Variants in CFAP69 observed in about 807,000 individuals in gnomAD.
The protein encoded by CFAP69 is cilia and flagella associated protein 69.
CFAP69 carries 92 observed loss-of-function variants against 123.0 expected under a neutral mutation model. That is an observed-to-expected ratio of 0.75 (90% CI 0.63 to 0.89). The LOEUF (loss-of-function observed/expected upper bound fraction) is 0.89, where lower values mean the gene tolerates loss of function less well. CFAP69 is among the 40% of genes least tolerant of loss of function. CFAP69 has a pLI of 0.00. For synonymous variants in CFAP69, 380 were observed against 364.3 expected, an observed-to-expected ratio of 1.04 and a Z score of -0.49; for missense variants, 1,067 against 1,096.9, an observed-to-expected ratio of 0.97 and a Z score of 0.39.
chr7:90,287,126 T>C (rs1790416788), intron 14 of CFAP69, among the ~76,000 whole-genome samples: 1 of 151,918 alleles, frequency 6.6e-6, no homozygotes, highest in Non-Finnish European at 1.5e-5. Context: ...ATCCATGTCA[T>C]TGCATGTATC....
At chr7:90,287,326 T>C (rs1790451869) in intron 14 of CFAP69, among the ~76,000 whole-genome samples, 1 of 152,094 alleles carries the variant, frequency 6.6e-6, no homozygotes, top group African/African-American at 2.4e-5. Context: ...TTCTCTCGGG[T>C]AAGTATCTAC....
chr7:90,306,060 A>G (rs2117426311), intron 19 of CFAP69, among the ~76,000 whole-genome samples: 1 of 128,646 alleles, frequency 7.8e-6, no homozygotes, highest in South Asian at 2.6e-4. Context: ...CTCCAGCCTC[A>G]TCTTCCCAAG....
chr7:90,317,806 C>T, the CFAP69 span: 4 of 151,974 alleles, frequency 2.6e-5, no homozygotes, highest in East Asian at 3.8e-4. Flanking sequence ...TTATTTTAGC[C>T]GATTTTAAAA....
Position 90,283,068 on chromosome 7 carries a change from C to T in CFAP69, c.1537+12C>T. 2.7e-6 allele frequency: 4 copies of T among 1,491,782 alleles called. No individual in the cohort carries two copies. Among genetic ancestry groups the T allele is most frequent in the Non-Finnish European group, 3.6e-6 (4 of 1,118,602 alleles). 92.4% of individuals were successfully genotyped at this position (1,491,782 alleles called of 1,614,324 possible). On this transcript the variant is annotated intron_variant, in intron 13 of 22. Transcript: ENST00000389297. ...TCAGCAAATGATAGGTAAAATATAACATGGTGGTTTACTGATGAAAGAGGA... is the reference window on the plus strand; with the variant it reads ...TCAGCAAATGATAGGTAAAATATAATATGGTGGTTTACTGATGAAAGAGGA...
At chr7:90,262,674 G>A (rs1798494218) in intron 4 of CFAP69, among the ~76,000 whole-genome samples, 1 of 152,004 alleles carries the variant, frequency 6.6e-6, no homozygotes, top group Admixed American at 6.6e-5. Flanking sequence ...TCCATTTTTA[G>A]TTGCTAAATG....
intron 1 of CFAP69, among the ~76,000 whole-genome samples, chr7:90,252,808 A>G (rs769139776): frequency 6.6e-6 from 1 of 152,202 alleles, no homozygotes; most frequent in African/African-American, 2.4e-5. Context: ...ATTTCTAAAA[A>G]TTGTTTTTGA....
chr7:90,277,251 T>C lies in CFAP69; in HGVS notation c.1072T>C (p.Ser358Pro), dbSNP rs780327430. The change falls in exon 11 of 23, where the codon TCT (serine) becomes CCT (proline). Residue 358 changes from serine to proline, a missense_variant. Coordinates refer to ENST00000389297, the MANE Select transcript of CFAP69 (RefSeq NM_001039706.3). ...QNLLVKGLKLSNSYEDFELKK... is the reference protein window; with the variant it reads ...QNLLVKGLKLPNSYEDFELKK... ...TCTTTTGGTAAAAGGACTTAAGCTT[T>C]CTAATTCCTATGAAGATTTTGAGTT... 24 of 1,590,252 alleles carry C rather than the reference T, an allele frequency of 1.5e-5. No individual in the cohort carries two copies. The highest frequency in any genetic ancestry group is 2.0e-5 in the Non-Finnish European group (23 of 1,171,690).
chr7:90,299,833 G>A (rs1407955456), intron 16 of CFAP69, 34 bp from the exon 17 acceptor site: 2 of 1,474,566 alleles, frequency 1.4e-6, no homozygotes, highest in Non-Finnish European at 1.8e-6. Flanking sequence ...AATATTTATT[G>A]CAACTTTTTT....
chr7:90,246,114 AAT>A (rs1213089931), intron 1 of CFAP69, among the ~76,000 whole-genome samples: 4 of 152,168 alleles, frequency 2.6e-5, no homozygotes, highest in African/African-American at 7.2e-5. Flanking sequence ...ACCGGGAGAG[AAT>A]AGAGTTGATT....
chr7:90,249,598 C>T (rs899817004), intron 1 of CFAP69, among the ~76,000 whole-genome samples: 2 of 152,128 alleles, frequency 1.3e-5, no homozygotes, highest in African/African-American at 4.8e-5. Context: ...TGAAATTCAC[C>T]TTAATCATAT....
chr7:90,290,187 G>A (rs1790922087), intron 15 of CFAP69, among the ~76,000 whole-genome samples: 1 of 152,112 alleles, frequency 6.6e-6, no homozygotes, highest in African/African-American at 2.4e-5. Flanking sequence ...TTATCATAAG[G>A]AATTGGCTCA....
intron 1 of CFAP69, among the ~76,000 whole-genome samples, chr7:90,251,084 T>C (rs1796953553): frequency 6.6e-6 from 1 of 152,166 alleles, no homozygotes. Context: ...TCACACAGCA[T>C]ACAAGATGAT....
At chr7:90,289,977 T>C (rs907150899) in intron 15 of CFAP69, among the ~76,000 whole-genome samples, 1 of 152,212 alleles carries the variant, frequency 6.6e-6, no homozygotes, top group Non-Finnish European at 1.5e-5. Context: ...CTTTTGTCTA[T>C]CCTTCTGTAA....
chr7:90,307,725 A>AG (rs1793810861), intron 20 of CFAP69, 43 bp from the exon 21 acceptor site: 1 of 1,306,534 alleles, frequency 7.7e-7, no homozygotes, highest in East Asian at 2.4e-5. Context: ...AAAAAAAAAA[A>AG]GAAAAAAAAG....
intron 15 of CFAP69, among the ~76,000 whole-genome samples, chr7:90,292,003 A>G (rs1185702854): frequency 6.6e-6 from 1 of 152,210 alleles, no homozygotes; most frequent in African/African-American, 2.4e-5. Flanking sequence ...TGATGAGACT[A>G]GAATCTAACA....
At chr7:90,264,104 A>AAATATAT (rs1554354285) in intron 4 of CFAP69, among the ~76,000 whole-genome samples, 5 of 48,876 alleles carry the variant, frequency 1.0e-4, no homozygotes, top group Non-Finnish European at 1.2e-4. Flanking sequence ...AAAAAAAAAA[A>AAATATAT]ATATATATAT....
At chr7:90,248,609 T>A (rs1314577142) in intron 1 of CFAP69, among the ~76,000 whole-genome samples, 1 of 152,230 alleles carries the variant, frequency 6.6e-6, no homozygotes, top group African/African-American at 2.4e-5. Context: ...AGTTTAGGAA[T>A]CTGGGATTTT....
At position 90,277,217 on chromosome 7, in the gene CFAP69, A is replaced by G. The variant is rs182602036; in HGVS notation, c.1038A>G (p.Lys346=). The change falls in exon 11 of 23, where the codon AAA becomes AAG. Residue 346 remains lysine, a synonymous_variant. Coordinates refer to ENST00000389297, the MANE Select transcript of CFAP69 (RefSeq NM_001039706.3). ...LILFATFNEV[K]SQNLLVKGLK... ...TTTACTTTTTTTCCCTCACAGTTAA[A>G]AGTCAAAATCTTTTGGTAAAAGGAC... The G allele has an allele frequency of 1.6e-4, 255 of 1,586,846 alleles. 1 individual carries two copies. In the African/African-American group the frequency reaches 2.9e-3, roughly 18 times the overall value.
At chr7:90,275,769 T>G (rs192218494) in intron 9 of CFAP69, among the ~76,000 whole-genome samples, 3 of 151,942 alleles carry the variant, frequency 2.0e-5, no homozygotes, top group Non-Finnish European at 2.9e-5. Flanking sequence ...ACCCGGCTAA[T>G]TTTTTCGTAT....
Sources: allele counts gnomAD v4.1 joint callset (sites outside exome capture counted in the v4.1 genomes callset), GRCh38; gene constraint gnomAD v4.1.1; transcripts MANE v1.5; gene names NCBI Gene and HGNC (gene_info 2026-07-23, HGNC 2026-07-21).